The following CCIN variants were observed in gnomAD, a reference collection of about 807,000 sequenced individuals.
CCIN encodes the protein calicin.
In CCIN, 15 loss-of-function variants were observed where a neutral mutation model predicts 32.2. The observed-to-expected ratio is 0.47, with a 90% CI of 0.31 to 0.72. The LOEUF (loss-of-function observed/expected upper bound fraction) is 0.72. CCIN is among the 30% of genes least tolerant of loss of function. The probability of loss-of-function intolerance (pLI) is 0.05; values close to 1 mark genes in which losing one functional copy is unlikely to be tolerated. For missense variants in CCIN, 623 were observed against 759.4 expected (o/e 0.82, Z 2.11); for synonymous variants, 302 against 297.4 (o/e 1.02, Z -0.16).
Position 36,170,105 on chromosome 9 carries a change from C to T in CCIN, c.603C>T (p.Leu201=). ...ATGAAGACCAGGCGCTCAGCGCACTCATCAATTGGGTGTACTTCCGGAAGG... is the reference window on the plus strand; with the variant it reads ...ATGAAGACCAGGCGCTCAGCGCACTTATCAATTGGGTGTACTTCCGGAAGG... ...VLNEDQALSA[L]INWVYFRKED... is the part of the protein sequence containing the mutation. The change falls in exon 1 of 1, where the codon CTC becomes CTT. Residue 201 remains leucine (L), a synonymous_variant. Coordinates refer to ENST00000335119, the MANE Select transcript of CCIN (RefSeq NM_005893.3). 2 of 1,614,216 alleles carry T rather than the reference C, an allele frequency of 1.2e-6. No homozygotes were observed. The highest frequency in any genetic ancestry group is 1.1e-5 in the South Asian group (1 of 91,084).
At position 36,171,032 on chromosome 9, in the gene CCIN, C is replaced by G. The variant is rs764030343; in HGVS notation, c.1530C>G (p.Ser510Arg). 5 of 1,614,246 alleles carry G rather than the reference C, an allele frequency of 3.1e-6. No individual in the cohort carries two copies. The highest frequency in any genetic ancestry group is 4.2e-6 in the Non-Finnish European group (5 of 1,180,046). The change falls in exon 1 of 1, where the codon AGC becomes AGG. Residue 510 changes from serine to arginine, a missense_variant. Coordinates refer to ENST00000335119, the MANE Select transcript of CCIN (RefSeq NM_005893.3). Reference protein sequence around the residue: ...TTTSVPVLPNSCPLDVSHAIC... With the variant: ...TTTSVPVLPNRCPLDVSHAIC... ...CCTCAGTGCCTGTCTTGCCCAACAG[C>G]TGCCCCTTGGATGTGTCCCATGCTA...
rs547447371 is a variant in CCIN, at chr9:36,170,383, A to G, written c.881A>G (p.Asn294Ser). Residue 294 changes from asparagine to serine, a missense_variant, in exon 1 of 1, where the codon AAT (asparagine) becomes AGT (serine). Physicochemically the swap from Asn to Ser is conservative, Grantham distance 46 (BLOSUM62 1). Transcript: ENST00000335119. ...LGGQKAHGQF[N>S]DGVFAYIIQE... is the part of the protein sequence containing the mutation. ...GGCCAGAAGGCCCACGGCCAGTTCA[A>G]TGATGGAGTGTTTGCTTATATCATC... 25 of 1,614,176 alleles carry G rather than the reference A, an allele frequency of 1.5e-5. No individual in the cohort carries two copies. The highest frequency in any genetic ancestry group is 1.6e-4 in the Middle Eastern group (1 of 6,062).
chr9:36,170,499 G>A lies in CCIN; in HGVS notation c.997G>A (p.Gly333Ser). The change falls in exon 1 of 1, where the codon GGT becomes AGT. Residue 333 changes from glycine to serine, a missense_variant. Gly to Ser is a moderately conservative substitution (Grantham distance 56, BLOSUM62 0). Coordinates refer to ENST00000335119, the MANE Select transcript of CCIN (RefSeq NM_005893.3). The stretch of plus-strand genomic sequence containing the variant: ...TGCTGGTCGCTACATCTACATCTCT[G>A]GTGGCACCACTGAGCAGATTTCAGG... ...TSAGRYIYISGGTTEQISGLK... is the reference protein window; with the variant it reads ...TSAGRYIYISSGTTEQISGLK... 6.2e-7 allele frequency: 1 copy of A among 1,614,132 alleles called. No homozygotes were observed. The highest frequency in any genetic ancestry group is 8.5e-7 in the Non-Finnish European group (1 of 1,180,032).
In CCIN at chr9:36,170,131, A is replaced by T; in HGVS notation, c.629A>T (p.Glu210Val). 1 of 1,614,246 alleles carries T rather than the reference A, an allele frequency of 6.2e-7. No individual in the cohort carries two copies. The highest frequency in any genetic ancestry group is 8.5e-7 in the Non-Finnish European group (1 of 1,180,038). The change falls in exon 1 of 1, where the codon GAG becomes GTG. Residue 210 changes from glutamate to valine, a missense_variant. Transcript: ENST00000335119. ...ATCAATTGGGTGTACTTCCGGAAGG[A>T]GGATCGGGAGAAGTATTTCAAGAAG... ...ALINWVYFRK[E>V]DREKYFKKFF...
Position 36,170,037 on chromosome 9 carries a change from A to G in CCIN, c.535A>G (p.Ile179Val), listed in dbSNP as rs1238332192. The G allele has an allele frequency of 6.2e-7, 1 of 1,614,124 alleles. No individual in the cohort carries two copies. Among genetic ancestry groups the G allele is most frequent in the South Asian group, 1.1e-5 (1 of 91,088 alleles). Reference sequence around the variant, plus strand: ...GCACTTCATGCGCTGTCCACCTGTTATCTTTGGCCGCCTGCTCCGTGATGA... The same window carrying G: ...GCACTTCATGCGCTGTCCACCTGTTGTCTTTGGCCGCCTGCTCCGTGATGA... Reference protein sequence around the residue: ...SMHFMRCPPVIFGRLLRDENL... With the variant: ...SMHFMRCPPVVFGRLLRDENL... The change falls in exon 1 of 1, where the codon ATC becomes GTC. Residue 179 changes from isoleucine to valine, a missense_variant. Ile to Val is a conservative substitution (Grantham distance 29). Coordinates refer to ENST00000335119, the MANE Select transcript of CCIN (RefSeq NM_005893.3).
rs1035403490 is a variant in CCIN, at chr9:36,170,862, G to T, written c.1360G>T (p.Asp454Tyr). Residue 454 changes from aspartate (D) to tyrosine (Y), a missense_variant, in exon 1 of 1, where the codon GAC becomes TAC. By Grantham distance (160) the Asp-to-Tyr change is radical (BLOSUM62 -3). Coordinates refer to ENST00000335119, the MANE Select transcript of CCIN (RefSeq NM_005893.3). ...VVDCFDTSTGDVVQCITFPIE... is the reference protein window; with the variant it reads ...VVDCFDTSTGYVVQCITFPIE... Reference sequence around the variant, plus strand: ...GGACTGCTTTGACACCAGCACTGGGGACGTGGTCCAGTGTATCACCTTCCC... The same window carrying T: ...GGACTGCTTTGACACCAGCACTGGGTACGTGGTCCAGTGTATCACCTTCCC... 1 of 1,614,252 alleles carries T rather than the reference G, an allele frequency of 6.2e-7. No individual in the cohort carries two copies. Among genetic ancestry groups the T allele is most frequent in the Non-Finnish European group, 8.5e-7 (1 of 1,180,042 alleles).
At position 36,171,131 on chromosome 9, in the gene CCIN, C is replaced by T; in HGVS notation, c.1629C>T (p.Asp543=). The T allele has an allele frequency of 6.2e-7, 1 of 1,614,204 alleles. No homozygotes were observed. The highest frequency in any genetic ancestry group is 1.1e-5 in the South Asian group (1 of 91,086). ...VTTASDVQTK[D]YTINPNAFLL... is the part of the protein sequence containing the mutation. ...CTGCCAGCGATGTCCAGACAAAGGA[C>T]TACACCATCAATCCAAATGCCTTCT... Residue 543 remains aspartate (D), a synonymous_variant, in exon 1 of 1, where the codon GAC becomes GAT. Transcript: ENST00000335119.
chr9:36,169,631 C>T lies in CCIN; in HGVS notation c.129C>T (p.Arg43=). 6.2e-7 allele frequency: 1 copy of T among 1,614,222 alleles called. No homozygotes were observed. Among genetic ancestry groups the T allele is most frequent in the Non-Finnish European group, 8.5e-7 (1 of 1,180,032 alleles). The change falls in exon 1 of 1, where the codon CGC becomes CGT. Residue 43 remains arginine (R), a synonymous_variant. Transcript: ENST00000335119. ...SVDNHVFFAH[R]NVLAAVSPLV... is the part of the protein sequence containing the mutation. ...ACAACCACGTCTTCTTTGCACATCG[C>T]AATGTGCTGGCTGCTGTCTCCCCAC...
In CCIN at chr9:36,170,280, C is replaced by A; in HGVS notation, c.778C>A (p.Arg260Ser). The part of the protein sequence containing the change: ...TTLIESVLMD[R>S]KQERPCSLLV... ...CCTGATTGAGAGTGTCCTGATGGAC[C>A]GCAAGCAGGAGCGGCCATGCAGCCT... The change falls in exon 1 of 1, where the codon CGC becomes AGC. Residue 260 changes from arginine to serine, a missense_variant. Coordinates refer to ENST00000335119, the MANE Select transcript of CCIN (RefSeq NM_005893.3). 1 of 1,614,106 alleles carries A rather than the reference C, an allele frequency of 6.2e-7. No individual in the cohort carries two copies. The highest frequency in any genetic ancestry group is 8.5e-7 in the Non-Finnish European group (1 of 1,180,022).
rs1421112670 is a variant in CCIN, at chr9:36,169,580, G to A, written c.78G>A (p.Glu26=). 6.2e-7 allele frequency: 1 copy of A among 1,614,240 alleles called. No individual in the cohort carries two copies. The stretch of plus-strand genomic sequence containing the variant: ...TGAACAGACAGAGGAAACGCAAAGA[G>A]TACTGGGACATGGCCCTGAGTGTGG... The part of the protein sequence containing the change: ...QNLNRQRKRK[E]YWDMALSVDN... Residue 26 remains glutamate, a synonymous_variant, in exon 1 of 1, where the codon GAG becomes GAA. Coordinates refer to ENST00000335119, the MANE Select transcript of CCIN (RefSeq NM_005893.3).
Position 36,171,214 on chromosome 9 carries a change from A to G in CCIN, c.1712A>G (p.Asp571Gly). 1 of 1,614,158 alleles carries G rather than the reference A, an allele frequency of 6.2e-7. No homozygotes were observed. The highest frequency in any genetic ancestry group is 8.5e-7 in the Non-Finnish European group (1 of 1,180,020). The change falls in exon 1 of 1, where the codon GAC becomes GGC. Residue 571 changes from aspartate to glycine, a missense_variant. By Grantham distance (94) the Asp-to-Gly change is moderately conservative. Coordinates refer to ENST00000335119, the MANE Select transcript of CCIN (RefSeq NM_005893.3). ...CTGGCTCCTCCACCAGAGGCACTGGACTGTCCTGCCTGCTGTCTAGCCAAG... is the reference window on the plus strand; with the variant it reads ...CTGGCTCCTCCACCAGAGGCACTGGGCTGTCCTGCCTGCTGTCTAGCCAAG... ...KTLAPPPEAL[D>G]CPACCLAKLP...
chr9:36,169,898 C>T lies in CCIN; in HGVS notation c.396C>T (p.Asn132=). 6.2e-7 allele frequency: 1 copy of T among 1,614,132 alleles called. No individual in the cohort carries two copies. Among genetic ancestry groups the T allele is most frequent in the Non-Finnish European group, 8.5e-7 (1 of 1,180,036 alleles). The change falls in exon 1 of 1, where the codon AAC becomes AAT. Residue 132 remains asparagine (N), a synonymous_variant. Transcript: ENST00000335119. The part of the protein sequence containing the change: ...DFLIKSICRA[N]CLRYLFLAEL... ...TTATTAAGTCCATCTGCCGTGCCAA[C>T]TGCTTGCGCTACCTCTTCTTGGCTG...
rs1460302679 is a variant in CCIN at position 36,170,436 on chromosome 9, G to T, written c.934G>T (p.Asp312Tyr). ...GGAGAACCTGTGGATGAAGCTCTCA[G>T]ACATGCCCTATCGGGCAGCAGCACT... ...IQENLWMKLS[D>Y]MPYRAAALSA... is the part of the protein sequence containing the mutation. The change falls in exon 1 of 1, where the codon GAC becomes TAC. Residue 312 changes from aspartate to tyrosine, a missense_variant. Coordinates refer to ENST00000335119, the MANE Select transcript of CCIN (RefSeq NM_005893.3). The T allele has an allele frequency of 6.2e-7, 1 of 1,614,090 alleles. No homozygotes were observed. The highest frequency in any genetic ancestry group is 2.2e-5 in the East Asian group (1 of 44,880).
Position 36,170,854 on chromosome 9 carries a change from G to A in CCIN, c.1352G>A (p.Ser451Asn). 6.2e-7 allele frequency: 1 copy of A among 1,614,254 alleles called. No individual in the cohort carries two copies. ...RVGVVDCFDTSTGDVVQCITF... is the reference protein window; with the variant it reads ...RVGVVDCFDTNTGDVVQCITF... ...GGGGTAGTGGACTGCTTTGACACCA[G>A]CACTGGGGACGTGGTCCAGTGTATC... Residue 451 changes from serine (S) to asparagine (N), a missense_variant, in exon 1 of 1, where the codon AGC becomes AAC. Physicochemically the swap from Ser to Asn is conservative, Grantham distance 46. Coordinates refer to ENST00000335119, the MANE Select transcript of CCIN (RefSeq NM_005893.3).
Position 36,169,884 on chromosome 9 carries a change from A to C in CCIN, c.382A>C (p.Ile128Leu), listed in dbSNP as rs746048117. Reference sequence around the variant, plus strand: ...CTGTAACGACTTCCTTATTAAGTCCATCTGCCGTGCCAACTGCTTGCGCTA... The same window carrying C: ...CTGTAACGACTTCCTTATTAAGTCCCTCTGCCGTGCCAACTGCTTGCGCTA... ...VHCNDFLIKS[I>L]CRANCLRYLF... is the part of the protein sequence containing the mutation. Residue 128 changes from isoleucine (I) to leucine (L), a missense_variant, in exon 1 of 1, where the codon ATC becomes CTC. Transcript: ENST00000335119. 3 of 1,614,014 alleles carry C rather than the reference A, an allele frequency of 1.9e-6. No individual in the cohort carries two copies. Among genetic ancestry groups the C allele is most frequent in the African/African-American group, 1.3e-5 (1 of 74,934 alleles).
rs769015451 is a variant in CCIN at position 36,170,439 on chromosome 9, A to G, written c.937A>G (p.Met313Val). 4 of 1,614,036 alleles carry G rather than the reference A, an allele frequency of 2.5e-6. No homozygotes were observed. In the African/African-American group the frequency reaches 4.0e-5, roughly 16 times the overall value. ...QENLWMKLSD[M>V]PYRAAALSAT... ...GAACCTGTGGATGAAGCTCTCAGAC[A>G]TGCCCTATCGGGCAGCAGCACTTAG... The change falls in exon 1 of 1, where the codon ATG becomes GTG. Residue 313 changes from methionine to valine, a missense_variant. By Grantham distance (21) the Met-to-Val change is conservative (BLOSUM62 1). Transcript: ENST00000335119.
Position 36,170,932 on chromosome 9 carries a change from A to G in CCIN, c.1430A>G (p.Asn477Ser), listed in dbSNP as rs753917252. 5.6e-6 allele frequency: 9 copies of G among 1,614,112 alleles called. No homozygotes were observed. The East Asian group carries it at 1.6e-4, about 28-fold the overall frequency. Residue 477 changes from asparagine (N) to serine (S), a missense_variant, in exon 1 of 1, where the codon AAC becomes AGC. By Grantham distance (46) the Asn-to-Ser change is conservative (BLOSUM62 1). Transcript: ENST00000335119. ...HRPLLSFQQDNILCVHSHRQS... is the reference protein window; with the variant it reads ...HRPLLSFQQDSILCVHSHRQS... ...CCCCTGCTCTCTTTCCAACAGGACA[A>G]CATCCTCTGCGTGCACAGCCACCGG...
Position 36,169,886 on chromosome 9 carries a change from C to T in CCIN, c.384C>T (p.Ile128=). 1 of 1,614,154 alleles carries T rather than the reference C, an allele frequency of 6.2e-7. No homozygotes were observed. Among genetic ancestry groups the T allele is most frequent in the Middle Eastern group, 1.6e-4 (1 of 6,062 alleles). The change falls in exon 1 of 1, where the codon ATC becomes ATT. Residue 128 remains isoleucine (I), a synonymous_variant. Coordinates refer to ENST00000335119, the MANE Select transcript of CCIN (RefSeq NM_005893.3). The part of the protein sequence containing the change: ...VHCNDFLIKS[I]CRANCLRYLF... ...GTAACGACTTCCTTATTAAGTCCAT[C>T]TGCCGTGCCAACTGCTTGCGCTACC... is the stretch of plus-strand genomic sequence containing the variant.
In CCIN at chr9:36,169,784, G is replaced by C; in HGVS notation, c.282G>C (p.Val94=). The C allele has an allele frequency of 6.2e-7, 1 of 1,614,196 alleles. No homozygotes were observed. Among genetic ancestry groups the C allele is most frequent in the Non-Finnish European group, 8.5e-7 (1 of 1,180,036 alleles). ...QLLDYFYSGK[V]VISEQNVEEL... is the part of the protein sequence containing the mutation. ...TGGACTACTTCTATAGCGGCAAGGT[G>C]GTGATCTCCGAGCAAAATGTGGAGG... Residue 94 remains valine (V), a synonymous_variant, in exon 1 of 1, where the codon GTG becomes GTC. Coordinates refer to ENST00000335119, the MANE Select transcript of CCIN (RefSeq NM_005893.3).
Sources: allele counts gnomAD v4.1 joint callset, GRCh38; gene constraint gnomAD v4.1.1; transcripts MANE v1.5; gene names NCBI Gene and HGNC (gene_info 2026-07-23, HGNC 2026-07-21).